Variants in FRMD4A observed in about 807,000 individuals in gnomAD.
FRMD4A encodes FERM domain containing 4A, also known as FERM domain-containing protein 4A.
FRMD4A carries 29 observed loss-of-function variants against 129.1 expected under a neutral mutation model. The observed-to-expected ratio is 0.22, with a 90% CI of 0.17 to 0.31. The LOEUF is 0.31. Among genes scored for constraint, FRMD4A ranks in the 10% least tolerant of loss-of-function variants. The pLI, the probability that FRMD4A is intolerant of heterozygous loss-of-function variation, is 1.00. For synonymous variants in FRMD4A, 634 were observed against 571.6 expected, an observed-to-expected ratio of 1.11 and a Z score of -1.56; for missense variants, 1,272 against 1,375.8, an observed-to-expected ratio of 0.92 and a Z score of 1.19.
chr10:14,101,042 C>T (rs1837275193), intron 2 of FRMD4A, among the ~76,000 whole-genome samples: 2 of 152,254 alleles, frequency 1.3e-5, no homozygotes, highest in East Asian at 1.9e-4. Flanking sequence ...TCTGACATTC[C>T]CTAACCCCTT....
intron 2 of FRMD4A, among the ~76,000 whole-genome samples, chr10:14,071,027 G>C (rs1015530628): frequency 1.3e-5 from 2 of 152,336 alleles, no homozygotes; most frequent in African/African-American, 4.8e-5. Context: ...CTGGAAAAAG[G>C]CTTAGACAGA....
chr10:13,964,857 T>C (rs2095474998), intron 2 of FRMD4A, among the ~76,000 whole-genome samples: 1 of 152,056 alleles, frequency 6.6e-6, no homozygotes, highest in Non-Finnish European at 1.5e-5. Flanking sequence ...AGCTGATTTT[T>C]GTATTTTTAG....
rs566192630 is a variant in FRMD4A at position 13,810,784 on chromosome 10, C to T, written c.206+30G>A. The T allele has an allele frequency of 3.3e-5, 39 of 1,192,782 alleles. No individual in the cohort carries two copies. The East Asian group carries it at 3.6e-4, about 11-fold the overall frequency. 73.9% of individuals were successfully genotyped at this position (1,192,782 alleles called of 1,614,324 possible). ...TCGGGTTCTGCACTGACTCTCCCTT[C>T]GGGCTGTGAGGGCTCAAGGCAGTAC... On this transcript the variant is annotated intron_variant, in intron 4 of 24. Transcript: ENST00000357447.
chr10:13,964,228 A>G (rs1006873012), intron 2 of FRMD4A, among the ~76,000 whole-genome samples: 1 of 152,042 alleles, frequency 6.6e-6, no homozygotes, highest in Middle Eastern at 3.2e-3. Flanking sequence ...AAAACAAAAA[A>G]CATCAAACAA....
At chr10:14,164,681 C>T (rs1841082780) in intron 2 of FRMD4A, among the ~76,000 whole-genome samples, 1 of 152,108 alleles carries the variant, frequency 6.6e-6, no homozygotes, top group African/African-American at 2.4e-5. Flanking sequence ...TCTCCACTCA[C>T]CATTTCCATA....
intron 2 of FRMD4A, among the ~76,000 whole-genome samples, chr10:14,307,670 T>C (rs192229457): frequency 2.3e-4 from 35 of 152,304 alleles, no homozygotes; most frequent in East Asian, 1.7e-3. Flanking sequence ...TCCAACTCCA[T>C]TGGGGGGCTT....
chr10:13,779,053 T>C (rs1471047049), intron 6 of FRMD4A, among the ~76,000 whole-genome samples: 1 of 152,182 alleles, frequency 6.6e-6, no homozygotes, highest in African/African-American at 2.4e-5. Flanking sequence ...GTGTGGTGGC[T>C]CATGCCTGTA....
intron 9 of FRMD4A, among the ~76,000 whole-genome samples, chr10:13,740,821 A>ATTTT (rs1368392741): frequency 1.7e-4 from 15 of 87,360 alleles, no homozygotes; most frequent in African/African-American, 2.3e-4. Context: ...TTTGTCTTGG[A>ATTTT]TGTTTGTTTT....
chr10:14,200,458 A>G (rs1053080265), intron 2 of FRMD4A, among the ~76,000 whole-genome samples: 31 of 151,834 alleles, frequency 2.0e-4, no homozygotes, highest in Admixed American at 2.0e-3. Flanking sequence ...TTGCAAGGCT[A>G]ATTTTTGTAT....
At chr10:13,688,997 C>T (rs1451781921) in intron 15 of FRMD4A, among the ~76,000 whole-genome samples, 3 of 152,052 alleles carry the variant, frequency 2.0e-5, no homozygotes, top group Non-Finnish European at 4.4e-5. Flanking sequence ...GCCATTGCAC[C>T]TGGCCTGGCT....
chr10:13,978,713 A>G (rs1410145405), intron 2 of FRMD4A, among the ~76,000 whole-genome samples: 1 of 152,192 alleles, frequency 6.6e-6, no homozygotes, highest in Non-Finnish European at 1.5e-5. Flanking sequence ...TGAGAACCCA[A>G]AAAACTCATT....
chr10:13,924,819 CT>C (rs2095111921), intron 2 of FRMD4A, among the ~76,000 whole-genome samples: 1 of 152,074 alleles, frequency 6.6e-6, no homozygotes. Context: ...ACTTCCAGCA[CT>C]TTGGGAGGCC....
intron 12 of FRMD4A, among the ~76,000 whole-genome samples, chr10:13,717,904 GA>G (rs1047881381): frequency 3.3e-5 from 5 of 151,988 alleles, no homozygotes; most frequent in African/African-American, 1.2e-4. Context: ...ACACTCACAA[GA>G]AACACCGTGC....
Position 14,095,772 on chromosome 10 carries a change from C to T in FRMD4A, c.45+234286G>A, listed in dbSNP as rs1836923337. Reference sequence around the variant, plus strand: ...TAAATAAGCATAGCTAACATGCTTTCCAAAACACGACCCACTTCTCCAGAG... The same window carrying T: ...TAAATAAGCATAGCTAACATGCTTTTCAAAACACGACCCACTTCTCCAGAG... On this transcript the variant is annotated intron_variant, in intron 2 of 24. Transcript: ENST00000357447. 4.6e-5 allele frequency among the ~76,000 whole-genome samples: 7 copies of T among 152,330 alleles called. No individual in the cohort carries two copies. In the South Asian group the frequency reaches 1.5e-3, roughly 32 times the overall value.
At chr10:14,294,598 A>G (rs1481513640) in intron 2 of FRMD4A, among the ~76,000 whole-genome samples, 1 of 152,228 alleles carries the variant, frequency 6.6e-6, no homozygotes, top group Non-Finnish European at 1.5e-5. Flanking sequence ...AGCCTGCAGT[A>G]TTCTTTTAAA....
At chr10:14,111,125 G>A (rs973866941) in intron 2 of FRMD4A, among the ~76,000 whole-genome samples, 19 of 152,068 alleles carry the variant, frequency 1.2e-4, no homozygotes, top group Admixed American at 9.2e-4. Flanking sequence ...TTTTGTATCC[G>A]TTAAACAATT....
At chr10:14,193,242 A>C (rs1043000080) in intron 2 of FRMD4A, among the ~76,000 whole-genome samples, 1 of 152,194 alleles carries the variant, frequency 6.6e-6, no homozygotes, top group Non-Finnish European at 1.5e-5. Context: ...TTGCCTCTTA[A>C]TTAATCAATC....
chr10:13,799,349 G>A (rs893477449), intron 4 of FRMD4A, among the ~76,000 whole-genome samples: 1 of 152,002 alleles, frequency 6.6e-6, no homozygotes, highest in Non-Finnish European at 1.5e-5. Context: ...GTAGAGACAG[G>A]GTTTCACCGT....
intron 2 of FRMD4A, among the ~76,000 whole-genome samples, chr10:14,189,938 T>C (rs1224535920): frequency 1.3e-5 from 2 of 152,204 alleles, no homozygotes; most frequent in African/African-American, 2.4e-5. Context: ...TTAATTATGC[T>C]TGCAAACTTC....
Sources: allele counts gnomAD v4.1 joint callset (sites outside exome capture counted in the v4.1 genomes callset), GRCh38; gene constraint gnomAD v4.1.1; transcripts MANE v1.5; gene names NCBI Gene and HGNC (gene_info 2026-07-23, HGNC 2026-07-21).